SH3BGRL3: variants seen among roughly 807,000 people sequenced by gnomAD.
SH3BGRL3 encodes SH3 domain binding glutamate rich protein like 3.
A neutral mutation model predicts 11.9 loss-of-function variants in SH3BGRL3; 8 were observed. The observed-to-expected ratio is 0.67, with a 90% confidence interval of 0.40 to 1.22. The LOEUF (loss-of-function observed/expected upper bound fraction) is 1.22, where lower values mean the gene tolerates loss of function less well. SH3BGRL3 is among the 50% of genes most tolerant of loss of function. The probability of loss-of-function intolerance (pLI) is 0.01; values close to 1 mark genes in which losing one functional copy is unlikely to be tolerated. For missense variants in SH3BGRL3, 119 were observed against 120.1 expected (o/e 0.99, Z 0.04); for synonymous variants, 55 against 52.3 (o/e 1.05, Z -0.22).
Position 26,280,220 on chromosome 1 carries a change from A to C in SH3BGRL3, c.48+17A>C, listed in dbSNP as rs2072949604. On this transcript the variant is annotated intron_variant, in intron 1 of 2. Coordinates refer to ENST00000270792, the MANE Select transcript of SH3BGRL3 (RefSeq NM_031286.4). ...TCCCGCGAAGTAAGTGCGCGCCCGG[A>C]CTGGCGCTGGGGGAAAGCGCAGGGC... The C allele has an allele frequency of 1.3e-6, 2 of 1,514,910 alleles. No individual in the cohort carries two copies. The highest frequency in any genetic ancestry group is 1.8e-6 in the Non-Finnish European group (2 of 1,134,656). The allele number at this position is 1,514,910 out of a possible 1,614,324, so 93.8% of individuals were successfully genotyped here.
In SH3BGRL3 at chr1:26,281,238, AG is replaced by A. The variant is rs766937259; in HGVS notation, c.*116del. On this transcript the variant is annotated 3_prime_UTR_variant, in exon 3 of 3. Coordinates refer to ENST00000270792, the MANE Select transcript of SH3BGRL3 (RefSeq NM_031286.4). ...CCTGTCATTCCTAACCTAACCTTAG[AG>A]TCCCTCCCCCAATGCAGGCCACTTC... The A allele has an allele frequency of 1.0e-6, 1 of 988,328 alleles. No homozygotes were observed. Among genetic ancestry groups the A allele is most frequent in the Non-Finnish European group, 1.5e-6 (1 of 662,454 alleles). The allele number at this position is 988,328 out of a possible 1,614,324, so 61.2% of individuals were successfully genotyped here. A position where few individuals can be genotyped will look rare whatever the true frequency, so the allele number is the denominator to read the frequency against.
At position 26,280,148 on chromosome 1, in the gene SH3BGRL3, C is replaced by A. The variant is rs958782749; in HGVS notation, c.-8C>A. 15 of 1,565,686 alleles carry A rather than the reference C, an allele frequency of 9.6e-6. No individual in the cohort carries two copies. The highest frequency in any genetic ancestry group is 1.3e-5 in the Non-Finnish European group (15 of 1,157,072). ...CTCTGCCCGCCGGCCCGTCTGTCTA[C>A]CCCCAGCATGAGCGGCCTGCGCGTC... On this transcript the variant is annotated 5_prime_UTR_variant, in exon 1 of 3. Coordinates refer to ENST00000270792, the MANE Select transcript of SH3BGRL3 (RefSeq NM_031286.4).
In SH3BGRL3 at chr1:26,281,307, A is replaced by C; in HGVS notation, c.*184A>C. Reference sequence around the variant, plus strand: ...ATGTAGTCCCCTCTCCTCCATCTAAAGGCAACATTCCTTACCCATTAGTCT... The same window carrying C: ...ATGTAGTCCCCTCTCCTCCATCTAACGGCAACATTCCTTACCCATTAGTCT... On this transcript the variant is annotated 3_prime_UTR_variant, in exon 3 of 3. Coordinates refer to ENST00000270792, the MANE Select transcript of SH3BGRL3 (RefSeq NM_031286.4). 1 of 580,738 alleles carries C rather than the reference A, an allele frequency of 1.7e-6. No homozygotes were observed. Among genetic ancestry groups the C allele is most frequent in the South Asian group, 2.2e-5 (1 of 46,392 alleles). The allele number at this position is 580,738 out of a possible 1,614,324, so 36.0% of individuals were successfully genotyped here.
At chr1:26,280,700 G>T in intron 1 of SH3BGRL3, 65 bp from the exon 2 acceptor site, 1 of 1,581,584 alleles carries the variant, frequency 6.3e-7, no homozygotes, top group Admixed American at 1.7e-5. Flanking sequence ...CTCTCACCCT[G>T]CCCAGCATTT....
rs1347479892 is a variant in SH3BGRL3 at position 26,280,942 on chromosome 1, G to A, written c.216+10G>A. 11 of 1,604,198 alleles carry A rather than the reference G, an allele frequency of 6.9e-6. No homozygotes were observed. The highest frequency in any genetic ancestry group is 9.4e-6 in the Non-Finnish European group (11 of 1,173,468). Reference sequence around the variant, plus strand: ...GGACCAGTACTGTGGGGTATGGGCTGGGGGACGGGGGGGTGGGGGGAGTGT... The same window carrying A: ...GGACCAGTACTGTGGGGTATGGGCTAGGGGACGGGGGGGTGGGGGGAGTGT... On this transcript the variant is annotated intron_variant, in intron 2 of 2. Transcript: ENST00000270792.
intron 1 of SH3BGRL3, among the ~76,000 whole-genome samples, chr1:26,280,550 G>A (rs2072963995): frequency 7.8e-6 from 1 of 127,416 alleles, no homozygotes; most frequent in Non-Finnish European, 1.6e-5. Flanking sequence ...CCTTCACTCT[G>A]ACCCCCTCCC....
At chr1:26,280,956 T>TTTGGGGGGGGGGCGGGGGGGGG in intron 2 of SH3BGRL3, 24 bp downstream of exon 2, 1 of 764,902 alleles carries the variant, frequency 1.3e-6, no homozygotes, top group Non-Finnish European at 2.1e-6. Context: ...GACGGGGGGG[T>TTTGGGGGGGGGGCGGGGGGGGG]GGGGGGAGTG....
Position 26,281,403 on chromosome 1 carries a change from C to CT in SH3BGRL3, c.*281dup, listed in dbSNP as rs1169256801. On this transcript the variant is annotated 3_prime_UTR_variant, in exon 3 of 3. Transcript: ENST00000270792. ...CCAAGCATTGGGGCCGCCATCCTGC[C>CT]TGGCACTGGCTGATGGGCACCTCTG... 2.7e-6 allele frequency: 1 copy of CT among 376,104 alleles called. No homozygotes were observed. The highest frequency in any genetic ancestry group is 2.2e-5 in the African/African-American group (1 of 45,660). 23.3% of individuals were successfully genotyped at this position (376,104 alleles called of 1,614,324 possible).
chr1:26,281,162 CCA>C lies in SH3BGRL3; in HGVS notation c.*43_*44del. The C allele has an allele frequency of 6.3e-7, 1 of 1,593,376 alleles. No homozygotes were observed. The highest frequency in any genetic ancestry group is 8.6e-7 in the Non-Finnish European group (1 of 1,165,074). On this transcript the variant is annotated 3_prime_UTR_variant, in exon 3 of 3. Coordinates refer to ENST00000270792, the MANE Select transcript of SH3BGRL3 (RefSeq NM_031286.4). ...AGAGTTCCCCTGCTGGACTCCATCACCACACTCCCCCCAGCCTTCACCTGGCC... is the reference window on the plus strand; with the variant it reads ...AGAGTTCCCCTGCTGGACTCCATCACCACTCCCCCCAGCCTTCACCTGGCC...
intron 1 of SH3BGRL3, among the ~76,000 whole-genome samples, chr1:26,280,514 C>CCCCTA (rs2072963126): frequency 6.7e-6 from 1 of 149,144 alleles, no homozygotes; most frequent in African/African-American, 2.5e-5. Flanking sequence ...CCCCTCCCCT[C>CCCCTA]CCCACCCTGA....
Position 26,280,220 on chromosome 1 carries a change from A to G in SH3BGRL3, c.48+17A>G. 6.6e-7 allele frequency: 1 copy of G among 1,514,912 alleles called. No individual in the cohort carries two copies. Among genetic ancestry groups the G allele is most frequent in the Non-Finnish European group, 8.8e-7 (1 of 1,134,656 alleles). The allele number at this position is 1,514,912 out of a possible 1,614,324, so 93.8% of individuals were successfully genotyped here. On this transcript the variant is annotated intron_variant, in intron 1 of 2. Coordinates refer to ENST00000270792, the MANE Select transcript of SH3BGRL3 (RefSeq NM_031286.4). ...TCCCGCGAAGTAAGTGCGCGCCCGGACTGGCGCTGGGGGAAAGCGCAGGGC... is the reference window on the plus strand; with the variant it reads ...TCCCGCGAAGTAAGTGCGCGCCCGGGCTGGCGCTGGGGGAAAGCGCAGGGC...
At position 26,281,130 on chromosome 1, in the gene SH3BGRL3, C is replaced by G. The variant is rs775161066; in HGVS notation, c.*7C>G. ...GTTCCTGAAGCTGGCTTGAGTCAAG[C>G]CTGTCCAGAGTTCCCCTGCTGGACT... On this transcript the variant is annotated 3_prime_UTR_variant, in exon 3 of 3. Coordinates refer to ENST00000270792, the MANE Select transcript of SH3BGRL3 (RefSeq NM_031286.4). 15 of 1,613,258 alleles carry G rather than the reference C, an allele frequency of 9.3e-6. No individual in the cohort carries two copies. Among genetic ancestry groups the G allele is most frequent in the Non-Finnish European group, 1.2e-5 (14 of 1,179,614 alleles).
At chr1:26,280,657 G>GA in intron 1 of SH3BGRL3, 108 bp from the exon 2 acceptor site, 2 of 1,344,780 alleles carry the variant, frequency 1.5e-6, no homozygotes, top group Non-Finnish European at 2.1e-6. Flanking sequence ...GTGTGGAGGG[G>GA]AATGGGGGGA....
At position 26,280,176 on chromosome 1, in the gene SH3BGRL3, C is replaced by T. The variant is rs1285857647; in HGVS notation, c.21C>T (p.Tyr7=). The T allele has an allele frequency of 6.4e-7, 1 of 1,561,110 alleles. No homozygotes were observed. The highest frequency in any genetic ancestry group is 8.6e-7 in the Non-Finnish European group (1 of 1,156,500). The change falls in exon 1 of 3, where the codon TAC becomes TAT. Residue 7 remains tyrosine (Y), a synonymous_variant. Transcript: ENST00000270792. ...CCAGCATGAGCGGCCTGCGCGTCTA[C>T]AGCACGTCGGTCACCGGCTCCCGCG... The part of the protein sequence containing the change: MSGLRV[Y]STSVTGSREI...
chr1:26,280,957 G>A, intron 2 of SH3BGRL3, 25 bp downstream of exon 2: 1 of 1,601,290 alleles, frequency 6.2e-7, no homozygotes, highest in South Asian at 1.1e-5. Context: ...ACGGGGGGGT[G>A]GGGGGAGTGT....
rs1224504775 is a variant in SH3BGRL3, at chr1:26,280,851, CCT to C, written c.136_137del (p.Leu46GlufsTer3). On this transcript the variant is annotated frameshift_variant, in exon 2 of 3. Coordinates refer to ENST00000270792, the MANE Select transcript of SH3BGRL3 (RefSeq NM_031286.4). LOFTEE classifies it high-confidence loss of function. ...TAGTGGACATCTCCCAGGACAACGCCCTGAGGGATGAGATGCGAGCCTTGGCA... is the reference window on the plus strand; with the variant it reads ...TAGTGGACATCTCCCAGGACAACGCCGAGGGATGAGATGCGAGCCTTGGCA... ...QLVDISQDNALRDEMRALAGN... is the reference protein window; with the variant it reads ...QLVDISQDNAXRDEMRALAGN... The C allele has an allele frequency of 3.7e-6, 6 of 1,613,802 alleles. No homozygotes were observed. The highest frequency in any genetic ancestry group is 1.1e-5 in the South Asian group (1 of 91,074).
Position 26,281,468 on chromosome 1 carries a change from T to G in SH3BGRL3, c.*345T>G. 2 of 251,764 alleles carry G rather than the reference T, an allele frequency of 7.9e-6. No individual in the cohort carries two copies. The highest frequency in any genetic ancestry group is 8.3e-5 in the East Asian group (1 of 12,000). 15.6% of individuals were successfully genotyped at this position (251,764 alleles called of 1,614,324 possible). A position where few individuals can be genotyped will look rare whatever the true frequency, so the allele number is the denominator to read the frequency against. On this transcript the variant is annotated 3_prime_UTR_variant, in exon 3 of 3. Transcript: ENST00000270792. ...CAGAGCTCTGCCAAAGGCCCCGCAG[T>G]CCCTCTCCCAGGAGGACCCTAGAGG...
At position 26,281,435 on chromosome 1, in the gene SH3BGRL3, C is replaced by G. The variant is rs544375109; in HGVS notation, c.*312C>G. ...TGGCTGATGGGCACCTCTGTTGGTT[C>G]CATCAGCCAGAGCTCTGCCAAAGGC... On this transcript the variant is annotated 3_prime_UTR_variant, in exon 3 of 3. Transcript: ENST00000270792. The G allele has an allele frequency of 5.9e-4, 185 of 313,762 alleles. No individual in the cohort carries two copies. Among genetic ancestry groups the G allele is most frequent in the African/African-American group, 3.8e-3 (180 of 47,742 alleles). The allele number at this position is 313,762 out of a possible 1,614,324, so 19.4% of individuals were successfully genotyped here.
Position 26,280,745 on chromosome 1 carries a change from T to C in SH3BGRL3, c.49-20T>C. On this transcript the variant is annotated intron_variant, in intron 1 of 2. Transcript: ENST00000270792. ...ATCCTCCAGCCTATCCACTAACCCC[T>C]ACCCACCCTCTGTCCCCAGATCAAG... 1 of 1,613,000 alleles carries C rather than the reference T, an allele frequency of 6.2e-7. No individual in the cohort carries two copies. Among genetic ancestry groups the C allele is most frequent in the Non-Finnish European group, 8.5e-7 (1 of 1,179,542 alleles).
Sources: gnomAD v4.1 joint callset for allele counts (sites outside exome capture counted in the v4.1 genomes callset) on GRCh38, gnomAD v4.1.1 for gene constraint, MANE v1.5 for transcripts, NCBI Gene and HGNC (gene_info 2026-07-23, HGNC 2026-07-21) for gene names.